Variants in COL9A1 observed in about 807,000 individuals in gnomAD.
COL9A1 encodes the protein collagen alpha-1(IX) chain.
Under a neutral mutation model 142.6 loss-of-function variants are expected in COL9A1, and 104 were observed. The observed-to-expected ratio is 0.73, with a 90% CI of 0.62 to 0.86. The LOEUF is 0.86. COL9A1 is among the 40% of genes least tolerant of loss of function. COL9A1 has a pLI of 0.00. For synonymous variants in COL9A1, 466 were observed against 396.0 expected (o/e 1.18, Z -2.10); for missense variants, 1,210 against 1,176.6 (o/e 1.03, Z -0.42).
rs1262568790 is a variant in COL9A1 at position 70,283,819 on chromosome 6, A to T, written c.698T>A (p.Phe233Tyr). ...LADNPQVSVP[F>Y]ELQWMLIHCD... ...ATGGATCAGCATCCATTGAAGTTCA[A>T]ACTGGAGAAAGGTAGTAGACAGTCA... The change falls in exon 6 of 38, where the codon TTT (phenylalanine) becomes TAT (tyrosine). Residue 233 changes from phenylalanine (F) to tyrosine (Y), a missense_variant and splice_region_variant. Phe to Tyr is a conservative substitution (Grantham distance 22, BLOSUM62 3). Transcript: ENST00000357250. The T allele has an allele frequency of 1.9e-6, 3 of 1,603,642 alleles. No individual in the cohort carries two copies. The highest frequency in any genetic ancestry group is 2.6e-6 in the Non-Finnish European group (3 of 1,174,462).
intron 28 of COL9A1, among the ~76,000 whole-genome samples, chr6:70,246,803 A>G (rs1770637340): frequency 6.6e-6 from 1 of 152,206 alleles, no homozygotes; most frequent in Non-Finnish European, 1.5e-5. Context: ...GCGAGGGTGG[A>G]AATAAAGACA....
chr6:70,242,692 T>A lies in COL9A1; in HGVS notation c.1896A>T (p.Pro632=), dbSNP rs1168801557. The change falls in exon 29 of 38, where the codon CCA becomes CCT. Residue 632 remains proline, a synonymous_variant. Transcript: ENST00000357250. Reference sequence around the variant, plus strand: ...TACCTGGTAGGCCTGGGGATCCCACTGGTCCTAATTCTCCTCTACTGCCCT... The same window carrying A: ...TACCTGGTAGGCCTGGGGATCCCACAGGTCCTAATTCTCCTCTACTGCCCT... The part of the protein sequence containing the change: ...GLPGSRGELG[P]VGSPGLPGKL... 6.2e-7 allele frequency: 1 copy of A among 1,614,100 alleles called. No individual in the cohort carries two copies. The highest frequency in any genetic ancestry group is 1.3e-5 in the African/African-American group (1 of 74,952).
rs1419514071 is a variant in COL9A1, at chr6:70,255,193, C to T, written c.1568G>A (p.Gly523Asp). Residue 523 changes from glycine to aspartate, a missense_variant, in exon 23 of 38, where the codon GGT (glycine) becomes GAT (aspartate). Transcript: ENST00000357250. The stretch of plus-strand genomic sequence containing the variant: ...AGGGAGACCAGGAATTCCTCTAGCA[C>T]CTTCAGCCCCCTGCAGGGAGGAAGA... ...AGPKGDRGAE[G>D]ARGIPGLPGP... 2 of 1,614,192 alleles carry T rather than the reference C, an allele frequency of 1.2e-6. No homozygotes were observed. Among genetic ancestry groups the T allele is most frequent in the South Asian group, 2.2e-5 (2 of 91,076 alleles).
chr6:70,254,862 G>T, intron 24 of COL9A1, 101 bp downstream of exon 24: 4 of 1,122,324 alleles, frequency 3.6e-6, no homozygotes, highest in South Asian at 1.3e-5. Context: ...GCCAAAGCTA[G>T]CTAAATAAAT....
intron 4 of COL9A1, among the ~76,000 whole-genome samples, chr6:70,299,015 GA>G (rs921554334): frequency 2.8e-4 from 42 of 151,196 alleles, no homozygotes; most frequent in African/African-American, 8.5e-4. Flanking sequence ...CCTGATTTAA[GA>G]AAAAAAAGGT....
chr6:70,252,827 C>A (rs918397206), intron 26 of COL9A1, among the ~76,000 whole-genome samples: 1 of 152,342 alleles, frequency 6.6e-6, no homozygotes, highest in Admixed American at 6.5e-5. Context: ...CAAGACGCTG[C>A]AGACCACTGT....
intron 36 of COL9A1, among the ~76,000 whole-genome samples, chr6:70,228,446 T>C (rs1769362926): frequency 6.6e-6 from 1 of 152,168 alleles, no homozygotes; most frequent in Non-Finnish European, 1.5e-5. Flanking sequence ...TATATCATTA[T>C]TCTACTATGC....
At position 70,300,070 on chromosome 6, in the gene COL9A1, T is replaced by C. The variant is rs571366196; in HGVS notation, c.272A>G (p.Asn91Ser). Residue 91 changes from asparagine to serine, a missense_variant, in exon 4 of 38, where the codon AAT becomes AGT. Transcript: ENST00000357250. Reference sequence around the variant, plus strand: ...AGTTGGAATCCTGAAGTCTACATTATTTCCCAACTTGTAAGCCACCTGCAA... The same window carrying C: ...AGTTGGAATCCTGAAGTCTACATTACTTCCCAACTTGTAAGCCACCTGCAA... ...ATLQVAYKLG[N>S]NVDFRIPTRN... The C allele has an allele frequency of 6.8e-6, 11 of 1,613,944 alleles. No homozygotes were observed. The South Asian group carries it at 1.2e-4, about 18-fold the overall frequency.
In COL9A1 at chr6:70,300,281, A is replaced by AT. The variant is rs772278150; in HGVS notation, c.166+27dup. On this transcript the variant is annotated intron_variant, in intron 3 of 37. Transcript: ENST00000357250. ...AAAATCAGGTTTATAGAAAGCATGC[A>AT]TTTTCAATAGGGTACATTGCTACTC... The AT allele has an allele frequency of 3.2e-4, 513 of 1,608,450 alleles. 1 individual carries two copies. The highest frequency in any genetic ancestry group is 8.2e-4 in the Middle Eastern group (5 of 6,070).
chr6:70,286,013 C>T (rs1021662287), intron 5 of COL9A1, among the ~76,000 whole-genome samples: 6 of 152,218 alleles, frequency 3.9e-5, no homozygotes, highest in East Asian at 3.9e-4. Flanking sequence ...CTCAGCCTCC[C>T]GAGTAGCTGG....
intron 5 of COL9A1, among the ~76,000 whole-genome samples, chr6:70,289,704 T>G (rs1032725374): frequency 1.2e-4 from 18 of 152,214 alleles, no homozygotes; most frequent in African/African-American, 3.9e-4. Flanking sequence ...TTGTAAAAGA[T>G]GTACTTGTCA....
intron 17 of COL9A1, 65 bp downstream of exon 17, chr6:70,268,739 T>C: frequency 6.8e-7 from 1 of 1,475,412 alleles, no homozygotes; most frequent in Non-Finnish European, 9.4e-7. Context: ...AGGCTAATGC[T>C]TAAAGTAAAG....
rs1562291250 is a variant in COL9A1 at position 70,232,693 on chromosome 6, G to A, written c.2393C>T (p.Pro798Leu). The change falls in exon 36 of 38, where the codon CCT (proline) becomes CTT (leucine). Residue 798 changes from proline to leucine, a missense_variant. By Grantham distance (98) the Pro-to-Leu change is moderately conservative. Transcript: ENST00000357250. ...CTCTCCAGGAGGGCCGGGGGGACCA[G>A]GAGGGCCAGGCCTTCCAGGAAGCCC... ...ATGLPGRPGP[P>L]GPPGPPGENG... 6.2e-7 allele frequency: 1 copy of A among 1,614,048 alleles called. No individual in the cohort carries two copies. The highest frequency in any genetic ancestry group is 2.2e-5 in the East Asian group (1 of 44,882).
intron 18 of COL9A1, among the ~76,000 whole-genome samples, chr6:70,263,955 C>T (rs1356213753): frequency 2.0e-5 from 3 of 151,742 alleles, no homozygotes; most frequent in African/African-American, 4.8e-5. Flanking sequence ...TAAAGCAAAA[C>T]GTATACATCT....
At position 70,256,831 on chromosome 6, in the gene COL9A1, A is replaced by T; in HGVS notation, c.1450-10T>A. 1 of 1,613,796 alleles carries T rather than the reference A, an allele frequency of 6.2e-7. No homozygotes were observed. Among genetic ancestry groups the T allele is most frequent in the Non-Finnish European group, 8.5e-7 (1 of 1,179,882 alleles). On this transcript the variant is annotated splice_polypyrimidine_tract_variant and intron_variant, in intron 20 of 37. Transcript: ENST00000357250. ...CTAAGCCCCGAGCACCCTGCAAAAAAACAAGACAATGGAAAAAAACTGAGA... is the reference window on the plus strand; with the variant it reads ...CTAAGCCCCGAGCACCCTGCAAAAATACAAGACAATGGAAAAAAACTGAGA...
At chr6:70,268,172 A>G (rs1583297046) in intron 17 of COL9A1, among the ~76,000 whole-genome samples, 1 of 150,222 alleles carries the variant, frequency 6.7e-6, no homozygotes, top group Non-Finnish European at 1.5e-5. Context: ...TATGTACACA[A>G]CCCCCTCCAA....
At chr6:70,271,577 G>T in intron 14 of COL9A1, 78 bp downstream of exon 14, 1 of 1,303,236 alleles carries the variant, frequency 7.7e-7, no homozygotes, top group Non-Finnish European at 1.1e-6. Flanking sequence ...GAAATGTACA[G>T]TTAGGGTAAT....
At position 70,300,044 on chromosome 6, in the gene COL9A1, T is replaced by C; in HGVS notation, c.298A>G (p.Arg100Gly). 6.2e-7 allele frequency: 1 copy of C among 1,613,624 alleles called. No individual in the cohort carries two copies. The change falls in exon 4 of 38, where the codon AGG becomes GGG. Residue 100 changes from arginine to glycine, a missense_variant and splice_region_variant. Arg to Gly is a moderately radical substitution (Grantham distance 125, BLOSUM62 -2). Transcript: ENST00000357250. ...GNNVDFRIPT[R>G]NLYPSGLPEE... The stretch of plus-strand genomic sequence containing the variant: ...ATTAAAATATTTTTGATAGATTACC[T>C]AGTTGGAATCCTGAAGTCTACATTA...
At chr6:70,227,719 A>C (rs1261623207) in intron 36 of COL9A1, among the ~76,000 whole-genome samples, 1 of 152,122 alleles carries the variant, frequency 6.6e-6, no homozygotes, top group Non-Finnish European at 1.5e-5. Context: ...GCCTTGCCAT[A>C]ATAGCAGAAG....
Sources: gnomAD v4.1 joint callset for allele counts (sites outside exome capture counted in the v4.1 genomes callset) on GRCh38, gnomAD v4.1.1 for gene constraint, MANE v1.5 for transcripts, NCBI Gene and HGNC (gene_info 2026-07-23, HGNC 2026-07-21) for gene names.